Variants in MLNR observed in about 807,000 individuals in gnomAD.
The protein encoded by MLNR is G protein-coupled receptor 38.
A neutral mutation model predicts 20.0 loss-of-function variants in MLNR; 16 were observed. The ratio of observed to expected loss-of-function variants is 0.80; its 90% CI spans 0.54 to 1.22. MLNR has a LOEUF of 1.22. MLNR is among the 50% of genes most tolerant of loss of function. MLNR has a pLI of 0.00. For synonymous variants in MLNR, 302 were observed against 287.2 expected (o/e 1.05, Z -0.52); for missense variants, 630 against 592.3 (o/e 1.06, Z -0.66).
Position 49,220,527 on chromosome 13 carries a change from G to C in MLNR, c.190G>C (p.Gly64Arg), listed in dbSNP as rs1180566690. The C allele has an allele frequency of 3.7e-6, 6 of 1,609,632 alleles. No individual in the cohort carries two copies. In the South Asian group the frequency reaches 4.4e-5, roughly 12 times the overall value. ...SGNVVTVMLI[G>R]RYRDMRTTTN... ...CAACGTGGTGACCGTGATGCTGATC[G>C]GGCGCTACCGGGACATGCGGACCAC... The change falls in exon 1 of 2, where the codon GGG (glycine) becomes CGG (arginine). Residue 64 changes from glycine to arginine, a missense_variant. Transcript: ENST00000218721. The surrounding 1 kb of genome is among the most constrained non-coding windows in gnomAD (Gnocchi z 4.4).
In MLNR at chr13:49,222,320, TGGA is replaced by T; in HGVS notation, c.1187_1189del (p.Gly396del). On this transcript the variant is annotated inframe_deletion, in exon 2 of 2. Transcript: ENST00000218721. ...CTGCGGGGGAAGTTGCAGGGGACACTGGAGGAGACACGGTGGGCTACACCGAGA... is the reference window on the plus strand; with the variant it reads ...CTGCGGGGGAAGTTGCAGGGGACACTGGAGACACGGTGGGCTACACCGAGA... 2 of 1,612,972 alleles carry T rather than the reference TGGA, an allele frequency of 1.2e-6. No individual in the cohort carries two copies. Among genetic ancestry groups the T allele is most frequent in the Non-Finnish European group, 1.7e-6 (2 of 1,179,742 alleles).
Position 49,222,343 on chromosome 13 carries a change from C to T in MLNR, c.1205C>T (p.Thr402Ile), listed in dbSNP as rs767208514. 1 of 1,613,490 alleles carries T rather than the reference C, an allele frequency of 6.2e-7. No homozygotes were observed. Among genetic ancestry groups the T allele is most frequent in the Admixed American group, 1.7e-5 (1 of 59,936 alleles). ...ACTGGAGGAGACACGGTGGGCTACA[C>T]CGAGACAAGCGCTAACGTGAAGACG... is the stretch of plus-strand genomic sequence containing the variant. Reference protein sequence around the residue: ...GDTGGDTVGYTETSANVKTMG With the variant: ...GDTGGDTVGYIETSANVKTMG The change falls in exon 2 of 2, where the codon ACC becomes ATC. Residue 402 changes from threonine (T) to isoleucine (I), a missense_variant. By Grantham distance (89) the Thr-to-Ile change is moderately conservative. Coordinates refer to ENST00000218721, the MANE Select transcript of MLNR (RefSeq NM_001507.1).
Position 49,220,549 on chromosome 13 carries a change from C to A in MLNR, c.212C>A (p.Thr71Asn), listed in dbSNP as rs1168337153. The change falls in exon 1 of 2, where the codon ACC becomes AAC. Residue 71 changes from threonine (T) to asparagine (N), a missense_variant. Coordinates refer to ENST00000218721, the MANE Select transcript of MLNR (RefSeq NM_001507.1). The surrounding 1 kb of genome is among the most constrained non-coding windows in gnomAD (Gnocchi z 4.4). ...MLIGRYRDMR[T>N]TTNLYLGSMA... The stretch of plus-strand genomic sequence containing the variant: ...ATCGGGCGCTACCGGGACATGCGGA[C>A]CACCACCAACTTGTACCTGGGCAGC... 1 of 1,612,736 alleles carries A rather than the reference C, an allele frequency of 6.2e-7. No individual in the cohort carries two copies. Among genetic ancestry groups the A allele is most frequent in the Non-Finnish European group, 8.5e-7 (1 of 1,179,494 alleles).
rs9568169 is a variant in MLNR at position 49,220,514 on chromosome 13, C to A, written c.177C>A (p.Thr59=). The A allele has an allele frequency of 0.32, 514,552 of 1,603,658 alleles. 85,173 individuals are homozygous for A. The highest frequency in any genetic ancestry group is 0.49 in the East Asian group (21,593 of 43,920). ...FVVGVSGNVV[T]VMLIGRYRDM... is the part of the protein sequence containing the mutation. Reference sequence around the variant, plus strand: ...TCGGGGTGAGCGGCAACGTGGTGACCGTGATGCTGATCGGGCGCTACCGGG... The same window carrying A: ...TCGGGGTGAGCGGCAACGTGGTGACAGTGATGCTGATCGGGCGCTACCGGG... The change falls in exon 1 of 2, where the codon ACC becomes ACA. Residue 59 remains threonine, a synonymous_variant. Coordinates refer to ENST00000218721, the MANE Select transcript of MLNR (RefSeq NM_001507.1). This position sits in a 1 kb window ranked among gnomAD's most constrained non-coding sequence, Gnocchi z 4.4.
At position 49,221,213 on chromosome 13, in the gene MLNR, C is replaced by T. The variant is rs751701849; in HGVS notation, c.876C>T (p.Gly292=). Residue 292 remains glycine (G), a synonymous_variant, in exon 1 of 2, where the codon GGC becomes GGT. Coordinates refer to ENST00000218721, the MANE Select transcript of MLNR (RefSeq NM_001507.1). The part of the protein sequence containing the change: ...RGPAASGRER[G]HRQTVRVLLV... ...CGGCCGCCTCGGGGCGGGAGAGAGG[C>T]CACCGGCAGACCGTCCGCGTCCTGC... 8 of 1,586,398 alleles carry T rather than the reference C, an allele frequency of 5.0e-6. No individual in the cohort carries two copies. The African/African-American group carries it at 8.1e-5, about 16-fold the overall frequency.
chr13:49,221,414 C>A, intron 1 of MLNR, 176 bp downstream of exon 1: 2 of 699,296 alleles, frequency 2.9e-6, no homozygotes, highest in Non-Finnish European at 4.7e-6. Flanking sequence ...CCGAGAAAAC[C>A]ATGTCCTGTC....
chr13:49,220,573 G>T lies in MLNR; in HGVS notation c.236G>T (p.Ser79Ile). The T allele has an allele frequency of 6.2e-7, 1 of 1,613,332 alleles. No homozygotes were observed. Among genetic ancestry groups the T allele is most frequent in the Non-Finnish European group, 8.5e-7 (1 of 1,179,700 alleles). ...MRTTTNLYLG[S>I]MAVSDLLILL... ...ACCACCACCAACTTGTACCTGGGCAGCATGGCCGTGTCCGACCTACTCATC... is the reference window on the plus strand; with the variant it reads ...ACCACCACCAACTTGTACCTGGGCATCATGGCCGTGTCCGACCTACTCATC... Residue 79 changes from serine to isoleucine, a missense_variant, in exon 1 of 2, where the codon AGC (serine) becomes ATC (isoleucine). Transcript: ENST00000218721. The surrounding 1 kb of genome is among the most constrained non-coding windows in gnomAD (Gnocchi z 4.4).
chr13:49,220,915 G>A lies in MLNR; in HGVS notation c.578G>A (p.Gly193Asp), dbSNP rs867508051. The A allele has an allele frequency of 6.5e-7, 1 of 1,548,744 alleles. No individual in the cohort carries two copies. Among genetic ancestry groups the A allele is most frequent in the Non-Finnish European group, 8.7e-7 (1 of 1,149,868 alleles). ...ATCTCCGTAGTCCCGGGCCTCAATG[G>A]CACCGCGCGGATCGCCTCCTCGCCT... ...PGISVVPGLN[G>D]TARIASSPLA... Residue 193 changes from glycine (G) to aspartate (D), a missense_variant, in exon 1 of 2, where the codon GGC becomes GAC. Transcript: ENST00000218721. The surrounding 1 kb of genome is among the most constrained non-coding windows in gnomAD (Gnocchi z 4.4).
chr13:49,221,065 G>C lies in MLNR; in HGVS notation c.728G>C (p.Gly243Ala). Residue 243 changes from glycine (G) to alanine (A), a missense_variant, in exon 1 of 2, where the codon GGC becomes GCC. Coordinates refer to ENST00000218721, the MANE Select transcript of MLNR (RefSeq NM_001507.1). ...TGCCGGCCGAGCCCCGCGCAGCTGG[G>C]CGCGCTGCGTGTCATGCTGTGGGTC... ...RECRPSPAQL[G>A]ALRVMLWVTT... 6.3e-7 allele frequency: 1 copy of C among 1,578,840 alleles called. No individual in the cohort carries two copies. The highest frequency in any genetic ancestry group is 1.7e-5 in the Admixed American group (1 of 58,226).
rs1886989405 is a variant in MLNR at position 49,220,589 on chromosome 13, CCTA to C, written c.255_257del (p.Leu86del). The C allele has an allele frequency of 6.2e-7, 1 of 1,613,172 alleles. No homozygotes were observed. The highest frequency in any genetic ancestry group is 8.5e-7 in the Non-Finnish European group (1 of 1,179,700). On this transcript the variant is annotated inframe_deletion, in exon 1 of 2. Coordinates refer to ENST00000218721, the MANE Select transcript of MLNR (RefSeq NM_001507.1). This position sits in a 1 kb window ranked among gnomAD's most constrained non-coding sequence, Gnocchi z 4.4. ...ACCTGGGCAGCATGGCCGTGTCCGA[CCTA>C]CTCATCCTGCTCGGGCTGCCGTTCG...
In MLNR at chr13:49,220,681, T is replaced by A; in HGVS notation, c.344T>A (p.Leu115His). Residue 115 changes from leucine to histidine, a missense_variant, in exon 1 of 2, where the codon CTC becomes CAC. Coordinates refer to ENST00000218721, the MANE Select transcript of MLNR (RefSeq NM_001507.1). The surrounding 1 kb of genome is among the most constrained non-coding windows in gnomAD (Gnocchi z 4.4). ...GGGCCGCTGCTCTGCCGCCTGTCCC[T>A]CTACGTGGGCGAGGGCTGCACCTAC... ...VFGPLLCRLS[L>H]YVGEGCTYAT... 1 of 1,603,992 alleles carries A rather than the reference T, an allele frequency of 6.2e-7. No homozygotes were observed. The highest frequency in any genetic ancestry group is 8.5e-7 in the Non-Finnish European group (1 of 1,176,316).
rs1326452625 is a variant in MLNR, at chr13:49,220,345, G to A, written c.8G>A (p.Ser3Asn). 1 of 1,383,278 alleles carries A rather than the reference G, an allele frequency of 7.2e-7. No individual in the cohort carries two copies. The highest frequency in any genetic ancestry group is 9.3e-7 in the Non-Finnish European group (1 of 1,077,962). The allele number at this position is 1,383,278 out of a possible 1,614,324, so 85.7% of individuals were successfully genotyped here. A position where few individuals can be genotyped will look rare whatever the true frequency, so the allele number is the denominator to read the frequency against. MG[S>N]PWNGSDGPEG... Reference sequence around the variant, plus strand: ...CGGCCGCGCGGAGCACCCATGGGCAGCCCCTGGAACGGCAGCGACGGCCCC... The same window carrying A: ...CGGCCGCGCGGAGCACCCATGGGCAACCCCTGGAACGGCAGCGACGGCCCC... Residue 3 changes from serine to asparagine, a missense_variant, in exon 1 of 2, where the codon AGC becomes AAC. Coordinates refer to ENST00000218721, the MANE Select transcript of MLNR (RefSeq NM_001507.1). This position sits in a 1 kb window ranked among gnomAD's most constrained non-coding sequence, Gnocchi z 4.4.
In MLNR at chr13:49,220,485, G is replaced by T; in HGVS notation, c.148G>T (p.Val50Phe). ...PVTAVCLCLF[V>F]VGVSGNVVTV... ...GACCGCTGTGTGCCTGTGCCTGTTCGTCGTCGGGGTGAGCGGCAACGTGGT... is the reference window on the plus strand; with the variant it reads ...GACCGCTGTGTGCCTGTGCCTGTTCTTCGTCGGGGTGAGCGGCAACGTGGT... The change falls in exon 1 of 2, where the codon GTC becomes TTC. Residue 50 changes from valine to phenylalanine, a missense_variant. Transcript: ENST00000218721. The surrounding 1 kb of genome is among the most constrained non-coding windows in gnomAD (Gnocchi z 4.4). 4 of 1,589,932 alleles carry T rather than the reference G, an allele frequency of 2.5e-6. No homozygotes were observed. The highest frequency in any genetic ancestry group is 1.7e-6 in the Non-Finnish European group (2 of 1,169,396).
rs773746808 is a variant in MLNR, at chr13:49,220,937, G to C, written c.600G>C (p.Ser200=). ...GLNGTARIAS[S]PLASSPPLWL... is the part of the protein sequence containing the mutation. ...ATGGCACCGCGCGGATCGCCTCCTC[G>C]CCTCTCGCCTCGTCGCCGCCTCTCT... The change falls in exon 1 of 2, where the codon TCG becomes TCC. Residue 200 remains serine, a synonymous_variant. Transcript: ENST00000218721. This position sits in a 1 kb window ranked among gnomAD's most constrained non-coding sequence, Gnocchi z 4.4. 11 of 1,519,194 alleles carry C rather than the reference G, an allele frequency of 7.2e-6. No homozygotes were observed. Among genetic ancestry groups the C allele is most frequent in the African/African-American group, 1.5e-5 (1 of 67,202 alleles). The allele number at this position is 1,519,194 out of a possible 1,614,324, so 94.1% of individuals were successfully genotyped here.
chr13:49,222,066 T>G lies in MLNR; in HGVS notation c.928T>G (p.Cys310Gly), dbSNP rs200252355. Residue 310 changes from cysteine (C) to glycine (G), a missense_variant, in exon 2 of 2, where the codon TGC becomes GGC. Physicochemically the swap from Cys to Gly is radical, Grantham distance 159 (BLOSUM62 -3). Transcript: ENST00000218721. ...LLVVVLAFIICWLPFHVGRII... is the reference protein window; with the variant it reads ...LLVVVLAFIIGWLPFHVGRII... ...GGTGGTGGTTCTGGCATTTATAATT[T>G]GCTGGTTGCCCTTCCACGTTGGCAG... 2 of 1,613,938 alleles carry G rather than the reference T, an allele frequency of 1.2e-6. No homozygotes were observed. The highest frequency in any genetic ancestry group is 1.7e-6 in the Non-Finnish European group (2 of 1,179,926).
At position 49,222,298 on chromosome 13, in the gene MLNR, C is replaced by T. The variant is rs574134980; in HGVS notation, c.1160C>T (p.Ala387Val). The T allele has an allele frequency of 1.9e-6, 3 of 1,613,708 alleles. No individual in the cohort carries two copies. Among genetic ancestry groups the T allele is most frequent in the East Asian group, 2.2e-5 (1 of 44,870 alleles). Residue 387 changes from alanine (A) to valine (V), a missense_variant, in exon 2 of 2, where the codon GCG becomes GTG. By Grantham distance (64) the Ala-to-Val change is moderately conservative (BLOSUM62 0). Transcript: ENST00000218721. ...GGCTTCCACAGAAGCAGGGACACTGCGGGGGAAGTTGCAGGGGACACTGGA... is the reference window on the plus strand; with the variant it reads ...GGCTTCCACAGAAGCAGGGACACTGTGGGGGAAGTTGCAGGGGACACTGGA... ...PRGFHRSRDT[A>V]GEVAGDTGGD...
At position 49,220,941 on chromosome 13, in the gene MLNR, C is replaced by G. The variant is rs200204642; in HGVS notation, c.604C>G (p.Leu202Val). The part of the protein sequence containing the change: ...NGTARIASSP[L>V]ASSPPLWLSR... ...CACCGCGCGGATCGCCTCCTCGCCT[C>G]TCGCCTCGTCGCCGCCTCTCTGGCT... Residue 202 changes from leucine (L) to valine (V), a missense_variant, in exon 1 of 2, where the codon CTC becomes GTC. Transcript: ENST00000218721. The surrounding 1 kb of genome is among the most constrained non-coding windows in gnomAD (Gnocchi z 4.4). The G allele has an allele frequency of 6.6e-7, 1 of 1,517,800 alleles. No homozygotes were observed. Among genetic ancestry groups the G allele is most frequent in the Non-Finnish European group, 8.8e-7 (1 of 1,136,120 alleles). The allele number at this position is 1,517,800 out of a possible 1,614,324, so 94.0% of individuals were successfully genotyped here. A position where few individuals can be genotyped will look rare whatever the true frequency, so the allele number is the denominator to read the frequency against.
chr13:49,220,986 TC>T lies in MLNR; in HGVS notation c.653del (p.Pro218ArgfsTer91). 6.7e-7 allele frequency: 1 copy of T among 1,502,220 alleles called. No homozygotes were observed. The highest frequency in any genetic ancestry group is 2.3e-5 in the Admixed American group (1 of 43,764). 93.1% of individuals were successfully genotyped at this position (1,502,220 alleles called of 1,614,324 possible). ...CTGGCTCTCGCGGGCGCCACCGCCG[TC>T]CCCGCCGTCGGGGCCCGAGACCGCG... ...PLWLSRAPPP[S>X]PPSGPETAEA... On this transcript the variant is annotated frameshift_variant, in exon 1 of 2. Coordinates refer to ENST00000218721, the MANE Select transcript of MLNR (RefSeq NM_001507.1). LOFTEE classifies it high-confidence loss of function. This position sits in a 1 kb window ranked among gnomAD's most constrained non-coding sequence, Gnocchi z 4.4.
chr13:49,221,947 T>G lies in MLNR; in HGVS notation c.902-93T>G. ...AGTTTTCTCTAATTTATTTTGCTGT[T>G]ACTTGTTATTGCAGATGGTTCCTTG... On this transcript the variant is annotated intron_variant, in intron 1 of 1. Coordinates refer to ENST00000218721, the MANE Select transcript of MLNR (RefSeq NM_001507.1). 4 of 1,151,596 alleles carry G rather than the reference T, an allele frequency of 3.5e-6. No homozygotes were observed. The South Asian group carries it at 6.0e-5, about 17-fold the overall frequency. The allele number at this position is 1,151,596 out of a possible 1,614,324, so 71.3% of individuals were successfully genotyped here. A position where few individuals can be genotyped will look rare whatever the true frequency, so the allele number is the denominator to read the frequency against.
Sources: gnomAD v4.1 joint callset for allele counts on GRCh38, gnomAD v4.1.1 for gene constraint, Gnocchi (gnomAD v3.1) non-coding constraint, MANE v1.5 for transcripts, NCBI Gene and HGNC (gene_info 2026-07-23, HGNC 2026-07-21) for gene names.